Variants in NR5A2 observed in about 807,000 individuals in gnomAD.
The protein encoded by NR5A2 is CYP7A promoter-binding factor.
Under a neutral mutation model 62.7 loss-of-function variants are expected in NR5A2, and 26 were observed. The observed-to-expected ratio is 0.41, with a 90% confidence interval of 0.30 to 0.58. NR5A2 has a LOEUF of 0.58. NR5A2 is among the 20% of genes least tolerant of loss of function. NR5A2 has a pLI of 0.22. For synonymous variants in NR5A2, 246 were observed against 241.7 expected (o/e 1.02, Z -0.16); for missense variants, 541 against 669.1 (o/e 0.81, Z 2.11).
intron 7 of NR5A2, among the ~76,000 whole-genome samples, chr1:200,163,486 G>GTTTT (rs560600548): frequency 2.8e-5 from 4 of 142,184 alleles, no homozygotes; most frequent in African/African-American, 1.0e-4. Flanking sequence ...TTTGTTTATT[G>GTTTT]TTTTTTTTTT....
chr1:200,126,639 C>G (rs887688182), intron 7 of NR5A2, among the ~76,000 whole-genome samples: 1 of 151,500 alleles, frequency 6.6e-6, no homozygotes, highest in Non-Finnish European at 1.5e-5. Context: ...ATCTTCTTTT[C>G]CCCTTTAGAA....
At chr1:200,123,085 C>T (rs921244468) in intron 7 of NR5A2, among the ~76,000 whole-genome samples, 1 of 152,150 alleles carries the variant, frequency 6.6e-6, no homozygotes, top group Non-Finnish European at 1.5e-5. Context: ...AAGCTGGTAC[C>T]TGCTGTCCCA....
chr1:200,149,187 C>G (rs961909266), intron 7 of NR5A2, among the ~76,000 whole-genome samples: 1 of 152,230 alleles, frequency 6.6e-6, no homozygotes, highest in East Asian at 1.9e-4. Context: ...GCTGGGATTA[C>G]AGGCATGAGC....
chr1:200,164,086 T>G (rs947614525), intron 7 of NR5A2, among the ~76,000 whole-genome samples: 9 of 152,172 alleles, frequency 5.9e-5, no homozygotes, highest in Non-Finnish European at 1.3e-4. Context: ...ACACATACTC[T>G]CTCTCTCTGG....
chr1:200,119,670 A>G (rs1666393136), intron 6 of NR5A2, among the ~76,000 whole-genome samples: 1 of 151,960 alleles, frequency 6.6e-6, no homozygotes, highest in Non-Finnish European at 1.5e-5. Flanking sequence ...TTCTTCCCCC[A>G]GGCTGGAGTG....
At chr1:200,113,501 G>A (rs1666059627) in intron 6 of NR5A2, among the ~76,000 whole-genome samples, 1 of 152,206 alleles carries the variant, frequency 6.6e-6, no homozygotes, top group African/African-American at 2.4e-5. Context: ...GTGCTGCAAA[G>A]GAAGACTTCA....
intron 5 of NR5A2, chr1:200,057,691 C>T: frequency 3.2e-6 from 1 of 311,880 alleles, no homozygotes; most frequent in Non-Finnish European, 6.5e-6. Context: ...GTTGGCCAGG[C>T]TGGTCTCAAA....
chr1:200,153,028 T>C (rs2102366757), intron 7 of NR5A2, among the ~76,000 whole-genome samples: 1 of 152,360 alleles, frequency 6.6e-6, no homozygotes, highest in Admixed American at 6.5e-5. Context: ...CCAGTGTCCC[T>C]GACAATTAAA....
At chr1:200,112,219 G>C (rs745592845) in intron 6 of NR5A2, among the ~76,000 whole-genome samples, 1 of 152,198 alleles carries the variant, frequency 6.6e-6, no homozygotes. Context: ...TTTGAGCAAA[G>C]TCTTAAAGGA....
At chr1:200,127,163 A>G (rs1269544004) in intron 7 of NR5A2, among the ~76,000 whole-genome samples, 1 of 152,174 alleles carries the variant, frequency 6.6e-6, no homozygotes, top group Non-Finnish European at 1.5e-5. Context: ...AGAACTAATA[A>G]CCCCAAATGA....
At chr1:200,080,451 T>A (rs182712683) in intron 5 of NR5A2, among the ~76,000 whole-genome samples, 1 of 152,316 alleles carries the variant, frequency 6.6e-6, no homozygotes, top group East Asian at 1.9e-4. Flanking sequence ...ATAAAATCTT[T>A]GATTTTATAG....
chr1:200,087,988 T>A (rs1558130184), intron 5 of NR5A2, among the ~76,000 whole-genome samples: 2 of 152,174 alleles, frequency 1.3e-5, no homozygotes, highest in African/African-American at 2.4e-5. Context: ...TGATCGTAGG[T>A]GATCTGCCCA....
chr1:200,082,489 T>G (rs1403999220), intron 5 of NR5A2, among the ~76,000 whole-genome samples: 1 of 152,160 alleles, frequency 6.6e-6, no homozygotes, highest in African/African-American at 2.4e-5. Context: ...TTTAAGAATA[T>G]AAAACAAATT....
intron 5 of NR5A2, among the ~76,000 whole-genome samples, chr1:200,059,741 T>G (rs2102192025): frequency 6.6e-6 from 1 of 152,326 alleles, no homozygotes; most frequent in Non-Finnish European, 1.5e-5. Flanking sequence ...ATAGATCTTT[T>G]TTATTTTCCA....
intron 7 of NR5A2, among the ~76,000 whole-genome samples, chr1:200,166,679 C>T (rs1322990330): frequency 1.3e-5 from 2 of 152,082 alleles, no homozygotes; most frequent in Non-Finnish European, 2.9e-5. Flanking sequence ...CTGCTCCGCC[C>T]GAGGGAAGTC....
Position 200,111,335 on chromosome 1 carries a change from CCA to C in NR5A2, c.1230+15_1230+16del. ...ACTGGGCAACAAGTGAGTGTAGAGACCAAAAAAAAAAAAAAAGCATCTTTTTA... is the reference window on the plus strand; with the variant it reads ...ACTGGGCAACAAGTGAGTGTAGAGACAAAAAAAAAAAAAAGCATCTTTTTA... On this transcript the variant is annotated intron_variant, in intron 6 of 7. Transcript: ENST00000367362. 7.8e-7 allele frequency: 1 copy of C among 1,279,686 alleles called. No homozygotes were observed. Among genetic ancestry groups the C allele is most frequent in the Non-Finnish European group, 1.0e-6 (1 of 976,806 alleles). The allele number at this position is 1,279,686 out of a possible 1,614,324, so 79.3% of individuals were successfully genotyped here.
chr1:200,064,430 A>G (rs1663377360), intron 5 of NR5A2, among the ~76,000 whole-genome samples: 1 of 152,216 alleles, frequency 6.6e-6, no homozygotes, highest in Admixed American at 6.5e-5. Context: ...CGGCATCACT[A>G]GGAGAGAACA....
At chr1:200,070,395 A>C (rs1409111942) in intron 5 of NR5A2, among the ~76,000 whole-genome samples, 1 of 152,146 alleles carries the variant, frequency 6.6e-6, no homozygotes, top group Non-Finnish European at 1.5e-5. Flanking sequence ...TATATACTTT[A>C]AATGAAATGA....
At chr1:200,132,105 G>C (rs918198394) in intron 7 of NR5A2, among the ~76,000 whole-genome samples, 2 of 152,160 alleles carry the variant, frequency 1.3e-5, no homozygotes, top group African/African-American at 4.8e-5. Context: ...CGCCTCCTGG[G>C]TTTGAGTGAT....
Sources: gnomAD v4.1 joint callset for allele counts (sites outside exome capture counted in the v4.1 genomes callset) on GRCh38, gnomAD v4.1.1 for gene constraint, MANE v1.5 for transcripts, NCBI Gene and HGNC (gene_info 2026-07-23, HGNC 2026-07-21) for gene names.